CFAP70: variants seen among roughly 807,000 people sequenced by gnomAD.
The protein encoded by CFAP70 is cilia- and flagella-associated protein 70.
A neutral mutation model predicts 137.6 loss-of-function variants in CFAP70; 81 were observed. The ratio of observed to expected loss-of-function variants is 0.59; its 90% CI spans 0.49 to 0.71. CFAP70 has a LOEUF of 0.71. Among genes scored for constraint, CFAP70 ranks in the 30% least tolerant of loss-of-function variants. CFAP70 has a pLI of 0.00. For synonymous variants in CFAP70, 382 were observed against 423.6 expected, an observed-to-expected ratio of 0.90 and a Z score of 1.20; for missense variants, 976 against 1,226.7, an observed-to-expected ratio of 0.80 and a Z score of 3.05.
chr10:73,324,258 G>T (rs1322108125), intron 8 of CFAP70, among the ~76,000 whole-genome samples: 1 of 152,210 alleles, frequency 6.6e-6, no homozygotes, highest in Non-Finnish European at 1.5e-5. Flanking sequence ...AACTTCAACA[G>T]ATCTGCAGCT....
At chr10:73,331,384 T>C (rs879532298) in intron 7 of CFAP70, 108 bp from the exon 9 acceptor site, 144 of 941,794 alleles carry the variant, frequency 1.5e-4, no homozygotes, top group Middle Eastern at 9.8e-4. Flanking sequence ...AATATACATA[T>C]ATAAAAATTG....
chr10:73,362,339 A>G (rs1037411015), upstream of CFAP70, among the ~76,000 whole-genome samples: 1 of 152,202 alleles, frequency 6.6e-6, no homozygotes, highest in African/African-American at 2.4e-5. Flanking sequence ...TGTCATTGCA[A>G]TATTGATAGA....
intron 6 of CFAP70, among the ~76,000 whole-genome samples, chr10:73,339,645 C>T (rs539075178): frequency 5.3e-5 from 8 of 152,360 alleles, no homozygotes; most frequent in African/African-American, 1.7e-4. Flanking sequence ...CCATTGTGCA[C>T]AGCCAGGCAT....
chr10:73,309,216 T>C (rs1018769628), intron 12 of CFAP70, among the ~76,000 whole-genome samples: 2 of 152,216 alleles, frequency 1.3e-5, no homozygotes, highest in Non-Finnish European at 2.9e-5. Flanking sequence ...AAAGGAGTAT[T>C]AGAATACTAT....
At chr10:73,347,548 G>C (rs2053816101) in intron 4 of CFAP70, among the ~76,000 whole-genome samples, 1 of 152,140 alleles carries the variant, frequency 6.6e-6, no homozygotes. Flanking sequence ...TATAATTTAG[G>C]TTCTATGTTC....
chr10:73,270,610 A>G (rs990153636), intron 24 of CFAP70, among the ~76,000 whole-genome samples: 3 of 133,146 alleles, frequency 2.3e-5, no homozygotes, highest in African/African-American at 8.4e-5. Flanking sequence ...ATTTCAGCTC[A>G]CTGCAACCTC....
At chr10:73,268,548 G>T (rs1462392370) in intron 25 of CFAP70, among the ~76,000 whole-genome samples, 2 of 151,998 alleles carry the variant, frequency 1.3e-5, no homozygotes, top group African/African-American at 4.8e-5. Flanking sequence ...CAATTTCTAA[G>T]AGAAGTATAT....
chr10:73,313,837 G>A (rs945477968), intron 9 of CFAP70, among the ~76,000 whole-genome samples: 14 of 152,136 alleles, frequency 9.2e-5, no homozygotes, highest in South Asian at 8.3e-4. Context: ...GTGAGACTCC[G>A]TCTCAAAAAA....
At chr10:73,265,919 T>G (rs1012457478) in intron 25 of CFAP70, among the ~76,000 whole-genome samples, 1 of 152,098 alleles carries the variant, frequency 6.6e-6, no homozygotes, top group Non-Finnish European at 1.5e-5. Flanking sequence ...TTTTAGGATT[T>G]ATCTCATCAA....
chr10:73,342,713 T>C (rs1371821893), intron 5 of CFAP70, among the ~76,000 whole-genome samples: 1 of 151,810 alleles, frequency 6.6e-6, no homozygotes, highest in African/African-American at 2.4e-5. Context: ...CACAACAAAC[T>C]AGATAAAGTA....
At chr10:73,254,205 C>T (rs1405786727) in intron 26 of CFAP70, 150 bp from the exon 28 acceptor site, 15 of 490,522 alleles carry the variant, frequency 3.1e-5, no homozygotes, top group Non-Finnish European at 7.0e-6. Flanking sequence ...TTCATGAAAA[C>T]TCCAGTAGAA....
At chr10:73,278,216 T>C (rs1280195249) in exon 20 of CFAP70, 12 of 1,614,008 alleles carry the variant, frequency 7.4e-6, no homozygotes, top group African/African-American at 4.0e-5. Flanking sequence ...ATGTGTTAGA[T>C]GGTTTTTGGC....
At chr10:73,300,335 A>G (rs2048855129) in intron 12 of CFAP70, among the ~76,000 whole-genome samples, 1 of 152,088 alleles carries the variant, frequency 6.6e-6, no homozygotes, top group Admixed American at 6.5e-5. Context: ...ATATTATACT[A>G]CCTTGAAGTC....
chr10:73,269,547 C>A, intron 25 of CFAP70, 67 bp downstream of exon 26: 1 of 1,082,968 alleles, frequency 9.2e-7, no homozygotes, highest in Non-Finnish European at 1.4e-6. Context: ...ATCTGCTGCC[C>A]CTTGCTTACT....
intron 25 of CFAP70, among the ~76,000 whole-genome samples, chr10:73,266,898 A>T (rs2045827794): frequency 6.6e-6 from 1 of 151,648 alleles, no homozygotes; most frequent in African/African-American, 2.4e-5. Flanking sequence ...ACTCCTTATC[A>T]TTTTCTCAAT....
intron 12 of CFAP70, among the ~76,000 whole-genome samples, chr10:73,303,375 G>A (rs1448194998): frequency 6.6e-6 from 1 of 151,796 alleles, no homozygotes; most frequent in African/African-American, 2.4e-5. Flanking sequence ...CCGCCACCAC[G>A]CCCGGCTAAT....
intron 7 of CFAP70, among the ~76,000 whole-genome samples, chr10:73,334,780 A>C (rs971221782): frequency 2.6e-5 from 4 of 151,386 alleles, no homozygotes; most frequent in South Asian, 2.1e-4. Flanking sequence ...GGGTTTCACC[A>C]TGTTGGCCAG....
At chr10:73,282,376 C>CA (rs796174804) in intron 19 of CFAP70, among the ~76,000 whole-genome samples, 3,791 of 146,472 alleles carry the variant, frequency 0.026, 165 homozygotes, top group African/African-American at 0.086. Context: ...GTCACACACA[C>CA]AAAAAAAAAA....
intron 3 of CFAP70, among the ~76,000 whole-genome samples, chr10:73,351,087 A>G (rs1372607364): frequency 4.1e-3 from 394 of 96,024 alleles, no homozygotes; most frequent in African/African-American, 0.015. Flanking sequence ...ATATATATAT[A>G]TATATATATA....
Sources: allele counts gnomAD v4.1 joint callset (sites outside exome capture counted in the v4.1 genomes callset), GRCh38; gene constraint gnomAD v4.1.1; transcripts MANE v1.5; gene names NCBI Gene and HGNC (gene_info 2026-07-23, HGNC 2026-07-21).